Variants in EML6 observed in about 807,000 individuals in gnomAD.
EML6 encodes the protein EMAP like 6.
Under a neutral mutation model 240.1 loss-of-function variants are expected in EML6, and 154 were observed. The ratio of observed to expected loss-of-function variants is 0.64; its 90% confidence interval spans 0.56 to 0.73. EML6 has a LOEUF of 0.73. Ranked by LOEUF, EML6 falls within the 30% of genes least tolerant of loss-of-function variation. The pLI is 0.00. For missense variants in EML6, 2,964 were observed against 2,474.6 expected (o/e 1.20, Z -4.20); for synonymous variants, 1,148 against 899.0 (o/e 1.28, Z -4.95).
At chr2:54,739,937 T>C (rs1251637615) in intron 2 of EML6, among the ~76,000 whole-genome samples, 1 of 152,104 alleles carries the variant, frequency 6.6e-6, no homozygotes, top group African/African-American at 2.4e-5. Flanking sequence ...ATGGATTGGA[T>C]ATGGGAGAGG....
intron 25 of EML6, among the ~76,000 whole-genome samples, chr2:54,913,924 C>T (rs1673771741): frequency 1.3e-5 from 2 of 152,148 alleles, no homozygotes; most frequent in South Asian, 4.1e-4. Flanking sequence ...AGTCCTTTCC[C>T]CATTGCTTAT....
chr2:54,839,405 C>G (rs556399426), intron 7 of EML6, among the ~76,000 whole-genome samples: 1 of 152,164 alleles, frequency 6.6e-6, no homozygotes, highest in Admixed American at 6.5e-5. Context: ...GGTGGACAGA[C>G]GCCATGAGAT....
chr2:54,948,372 T>C (rs1384499575), intron 28 of EML6, among the ~76,000 whole-genome samples: 1 of 152,154 alleles, frequency 6.6e-6, no homozygotes, highest in Admixed American at 6.5e-5. Context: ...GAGGCCGACC[T>C]AGGCACTTGG....
chr2:54,959,087 T>C lies in EML6; in HGVS notation c.4696-17T>C, dbSNP rs1007905670. 3 of 1,545,350 alleles carry C rather than the reference T, an allele frequency of 1.9e-6. No homozygotes were observed. Among genetic ancestry groups the C allele is most frequent in the Non-Finnish European group, 2.6e-6 (3 of 1,143,864 alleles). Reference sequence around the variant, plus strand: ...TTGAGTGTGTTCCGGGTGTAGAAGATGTTGTTTTGTTTACAGAACAATCTC... The same window carrying C: ...TTGAGTGTGTTCCGGGTGTAGAAGACGTTGTTTTGTTTACAGAACAATCTC... On this transcript the variant is annotated splice_polypyrimidine_tract_variant and intron_variant, in intron 33 of 41. Coordinates refer to ENST00000356458, the MANE Select transcript of EML6 (RefSeq NM_001039753.4).
intron 17 of EML6, among the ~76,000 whole-genome samples, chr2:54,886,930 G>A (rs1347790006): frequency 6.6e-6 from 1 of 152,216 alleles, no homozygotes; most frequent in Non-Finnish European, 1.5e-5. Flanking sequence ...TAGGGAGGCA[G>A]TAGGCATGGT....
chr2:54,873,202 G>A (rs1436061973), intron 16 of EML6, among the ~76,000 whole-genome samples: 1 of 152,182 alleles, frequency 6.6e-6, no homozygotes, highest in Non-Finnish European at 1.5e-5. Flanking sequence ...GCAGTTTTTA[G>A]TTTTTCTAAC....
chr2:54,895,613 G>C (rs1250737377), intron 21 of EML6, among the ~76,000 whole-genome samples: 1 of 152,200 alleles, frequency 6.6e-6, no homozygotes. Context: ...CTGTGGATCA[G>C]GAATCTGAGC....
In EML6 at chr2:54,725,375, G is replaced by A. The variant is rs1682865811; in HGVS notation, c.197+117G>A. ...CGTGGAATAGAGGATTCTCTCTGGAGCCGCATGGAATTACTGAAGGGCTGC... is the reference window on the plus strand; with the variant it reads ...CGTGGAATAGAGGATTCTCTCTGGAACCGCATGGAATTACTGAAGGGCTGC... On this transcript the variant is annotated intron_variant, in intron 2 of 41. Coordinates refer to ENST00000356458, the MANE Select transcript of EML6 (RefSeq NM_001039753.4). The surrounding 1 kb of genome is among the most constrained non-coding windows in gnomAD (Gnocchi z 4.3). 1.3e-6 allele frequency: 1 copy of A among 745,760 alleles called. No individual in the cohort carries two copies. Among genetic ancestry groups the A allele is most frequent in the Non-Finnish European group, 2.0e-6 (1 of 501,354 alleles). The allele number at this position is 745,760 out of a possible 1,614,324, so 46.2% of individuals were successfully genotyped here.
intron 24 of EML6, among the ~76,000 whole-genome samples, chr2:54,907,910 A>C (rs1054737707): frequency 3.7e-5 from 2 of 53,816 alleles, no homozygotes; most frequent in Middle Eastern, 0.01. Context: ...TTAGATAGAT[A>C]GATAGATAGA....
intron 11 of EML6, among the ~76,000 whole-genome samples, 198 bp from the exon 12 acceptor site, chr2:54,859,336 A>G (rs1670553686): frequency 6.6e-6 from 1 of 152,212 alleles, no homozygotes; most frequent in African/African-American, 2.4e-5. Context: ...TTTACGACCT[A>G]TTTTTAGCTT....
intron 28 of EML6, among the ~76,000 whole-genome samples, chr2:54,935,068 C>A (rs1170759810): frequency 2.0e-5 from 3 of 152,050 alleles, no homozygotes; most frequent in African/African-American, 7.2e-5. Context: ...AATATTATAA[C>A]CTTTTGTAGG....
chr2:54,866,882 C>T lies in EML6; in HGVS notation c.2049C>T (p.His683=), dbSNP rs537845732. Residue 683 remains histidine (H), a splice_region_variant and synonymous_variant, in exon 14 of 42, where the codon CAC becomes CAT. Coordinates refer to ENST00000356458, the MANE Select transcript of EML6 (RefSeq NM_001039753.4). ...PEDSLKLQFI[H]GYRGYDCRNN... ...ACAGCTTGAAACTCCAGTTCATACA[C>T]GGGTGGGTGGCCTGTCATGGGCGCC... 21 of 1,543,080 alleles carry T rather than the reference C, an allele frequency of 1.4e-5. No homozygotes were observed. The highest frequency in any genetic ancestry group is 8.3e-5 in the South Asian group (7 of 83,878).
chr2:54,871,231 C>T (rs1023405301), intron 15 of EML6, among the ~76,000 whole-genome samples: 4 of 152,182 alleles, frequency 2.6e-5, no homozygotes, highest in Non-Finnish European at 5.9e-5. Context: ...AAACAAGGCA[C>T]AGTGGACATT....
At chr2:54,822,645 G>T (rs951294709) in intron 5 of EML6, among the ~76,000 whole-genome samples, 5 of 152,052 alleles carry the variant, frequency 3.3e-5, no homozygotes, top group African/African-American at 1.2e-4. Context: ...TTTACTTTGG[G>T]GGTTGGGTTA....
At chr2:54,816,272 GAT>G (rs1668078542) in intron 3 of EML6, among the ~76,000 whole-genome samples, 1 of 152,144 alleles carries the variant, frequency 6.6e-6, no homozygotes, top group Admixed American at 6.5e-5. Context: ...TGAAGTACCA[GAT>G]TACTTCTACT....
intron 31 of EML6, among the ~76,000 whole-genome samples, chr2:54,953,127 G>A (rs3796008): frequency 0.36 from 55,364 of 151,956 alleles, 11,209 homozygotes; most frequent in East Asian, 0.57. Flanking sequence ...TAGTCATCTC[G>A]AGCAATTTTT....
intron 26 of EML6, among the ~76,000 whole-genome samples, chr2:54,918,354 AATG>A (rs1674042779): frequency 6.6e-6 from 1 of 150,870 alleles, no homozygotes; most frequent in African/African-American, 2.5e-5. Context: ...TATTTTAACT[AATG>A]AATGAATGAA....
intron 2 of EML6, among the ~76,000 whole-genome samples, chr2:54,790,724 CTTTTTT>C (rs368684488): frequency 8.1e-6 from 1 of 123,276 alleles, no homozygotes; most frequent in Non-Finnish European, 1.6e-5. Context: ...CTTAATTTTC[CTTTTTT>C]TTTTTTTTTT....
At chr2:54,796,124 T>G (rs1298730625) in intron 2 of EML6, among the ~76,000 whole-genome samples, 1 of 152,180 alleles carries the variant, frequency 6.6e-6, no homozygotes, top group African/African-American at 2.4e-5. Flanking sequence ...AAGGCAAGTA[T>G]GATACAAAAT....
Sources: gnomAD v4.1 joint callset for allele counts (sites outside exome capture counted in the v4.1 genomes callset) on GRCh38, gnomAD v4.1.1 for gene constraint, Gnocchi (gnomAD v3.1) non-coding constraint, MANE v1.5 for transcripts, NCBI Gene and HGNC (gene_info 2026-07-23, HGNC 2026-07-21) for gene names.